Variants in EPHX2 observed in about 807,000 individuals in gnomAD.
EPHX2 encodes the protein bifunctional epoxide hydrolase 2.
EPHX2 carries 74 observed loss-of-function variants against 78.7 expected under a neutral mutation model. The ratio of observed to expected loss-of-function variants is 0.94; its 90% confidence interval spans 0.78 to 1.14. The LOEUF is 1.14. EPHX2 is among the 50% of genes most tolerant of loss of function. The pLI is 0.00. For missense variants in EPHX2, 715 were observed against 702.5 expected (o/e 1.02, Z -0.20); for synonymous variants, 251 against 255.2 (o/e 0.98, Z 0.16).
rs188877534 is a variant in EPHX2, at chr8:27,492,814, G to A, written c.101+1505G>A. The A allele has an allele frequency of 1.5e-3, 225 of 153,576 alleles. 2 individuals carry two copies. Among genetic ancestry groups the A allele is most frequent in the South Asian group, 0.013 (64 of 4,986 alleles). 9.5% of individuals were successfully genotyped at this position (153,576 alleles called of 1,614,324 possible). On this transcript the variant is annotated intron_variant, in intron 1 of 18. Transcript: ENST00000521400. The stretch of plus-strand genomic sequence containing the variant: ...GATTGGTGCATTTTACAATTCTCTT[G>A]TAAGACAGGAAAGTTCCCCAAGTCC...
At chr8:27,525,957 C>T (rs1239047734) in intron 12 of EPHX2, among the ~76,000 whole-genome samples, 1 of 152,202 alleles carries the variant, frequency 6.6e-6, no homozygotes, top group Admixed American at 6.5e-5. Flanking sequence ...GCATCCCTGC[C>T]ACTGTTAACT....
intron 1 of EPHX2, among the ~76,000 whole-genome samples, chr8:27,494,283 C>T (rs146561474): frequency 1.4e-3 from 212 of 152,230 alleles, no homozygotes; most frequent in African/African-American, 4.8e-3. Flanking sequence ...AGATGGTATT[C>T]GGTATTCGTG....
Position 27,500,996 on chromosome 8 carries a change from A to G in EPHX2, c.172A>G (p.Ile58Val), listed in dbSNP as rs1813746944. The change falls in exon 2 of 19, where the codon ATC becomes GTC. Residue 58 changes from isoleucine to valine, a missense_variant. Physicochemically the swap from Ile to Val is conservative, Grantham distance 29 (BLOSUM62 3). Coordinates refer to ENST00000521400, the MANE Select transcript of EPHX2 (RefSeq NM_001979.6). ...CACTACCCGGCTTATGAAAGGAGAG[A>G]TCACACTTTCCCAGGTGAGGGGACA... ...GATTRLMKGE[I>V]TLSQWIPLME... is the part of the protein sequence containing the mutation. 7.4e-6 allele frequency: 12 copies of G among 1,613,110 alleles called. No individual in the cohort carries two copies. The East Asian group carries it at 2.7e-4, about 36-fold the overall frequency.
chr8:27,501,017 G>A lies in EPHX2; in HGVS notation c.186+7G>A. 3 of 1,609,924 alleles carry A rather than the reference G, an allele frequency of 1.9e-6. No homozygotes were observed. The highest frequency in any genetic ancestry group is 4.5e-5 in the East Asian group (2 of 44,822). Reference sequence around the variant, plus strand: ...AGAGATCACACTTTCCCAGGTGAGGGGACATCACCACACAGAGCCCTTTGG... The same window carrying A: ...AGAGATCACACTTTCCCAGGTGAGGAGACATCACCACACAGAGCCCTTTGG... On this transcript the variant is annotated splice_region_variant and intron_variant, in intron 2 of 18. Transcript: ENST00000521400.
At position 27,503,705 on chromosome 8, in the gene EPHX2, T is replaced by C; in HGVS notation, c.288T>C (p.Ile96=). 6.2e-7 allele frequency: 1 copy of C among 1,613,826 alleles called. No homozygotes were observed. Among genetic ancestry groups the C allele is most frequent in the South Asian group, 1.1e-5 (1 of 91,068 alleles). ...FSIKEIFDKA[I]SARKINRPML... Reference sequence around the variant, plus strand: ...TAAAAGAAATCTTTGACAAGGCGATTTCAGCCAGAAAGATCAACCGCCCCA... The same window carrying C: ...TAAAAGAAATCTTTGACAAGGCGATCTCAGCCAGAAAGATCAACCGCCCCA... The change falls in exon 3 of 19, where the codon ATT becomes ATC. Residue 96 remains isoleucine, a synonymous_variant. Transcript: ENST00000521400.
chr8:27,493,896 A>C (rs548278419), intron 1 of EPHX2, among the ~76,000 whole-genome samples: 2 of 152,098 alleles, frequency 1.3e-5, no homozygotes, highest in African/African-American at 4.8e-5. Flanking sequence ...CCTGTGCTCT[A>C]TTTTCCCATT....
At chr8:27,501,324 TTTCTTCTTCTTCTTC>T (rs796293855) in intron 2 of EPHX2, among the ~76,000 whole-genome samples, 1,606 of 102,998 alleles carry the variant, frequency 0.016, 44 homozygotes, top group East Asian at 0.053. Context: ...TGCTATATAT[TTTCTTCTTCTTCTTC>T]TTCTTCTTCT....
At chr8:27,536,054 CTG>C (rs1255474036) in intron 12 of EPHX2, among the ~76,000 whole-genome samples, 8 of 152,148 alleles carry the variant, frequency 5.3e-5, no homozygotes, top group Admixed American at 5.2e-4. Context: ...AGCCAGAGAA[CTG>C]TGTGTCGACT....
Position 27,506,730 on chromosome 8 carries a change from G to A in EPHX2, c.538-142G>A, listed in dbSNP as rs533443967. The A allele has an allele frequency of 2.7e-5, 33 of 1,206,556 alleles. No homozygotes were observed. The African/African-American group carries it at 4.5e-4, about 17-fold the overall frequency. The allele number at this position is 1,206,556 out of a possible 1,614,324, so 74.7% of individuals were successfully genotyped here. A position where few individuals can be genotyped will look rare whatever the true frequency, so the allele number is the denominator to read the frequency against. On this transcript the variant is annotated intron_variant, in intron 4 of 18. Coordinates refer to ENST00000521400, the MANE Select transcript of EPHX2 (RefSeq NM_001979.6). ...TATGTGCCTTTGTTTTCATGCGTAT[G>A]TTGTGTAATTAAATGCTTTCCATTT...
chr8:27,511,998 G>A (rs1814268972), intron 6 of EPHX2, 88 bp downstream of exon 6: 1 of 1,310,192 alleles, frequency 7.6e-7, no homozygotes, highest in Non-Finnish European at 1.1e-6. Flanking sequence ...AGGCTGAGCT[G>A]TGAGGATCAC....
intron 1 of EPHX2, among the ~76,000 whole-genome samples, chr8:27,498,273 A>G (rs1003316269): frequency 6.6e-6 from 1 of 152,096 alleles, no homozygotes; most frequent in Non-Finnish European, 1.5e-5. Flanking sequence ...GGTCCCTTGG[A>G]GATTTCTTTG....
chr8:27,545,827 A>G (rs1168462921), downstream of EPHX2, among the ~76,000 whole-genome samples: 1 of 152,108 alleles, frequency 6.6e-6, no homozygotes, highest in Non-Finnish European at 1.5e-5. Flanking sequence ...GAGCCTGAGT[A>G]TCTGTGTATA....
chr8:27,527,557 C>T (rs902049938), intron 12 of EPHX2, among the ~76,000 whole-genome samples: 2 of 152,196 alleles, frequency 1.3e-5, no homozygotes, highest in East Asian at 3.9e-4. Context: ...ATCTCCCCTC[C>T]TCCCAGCCCT....
In EPHX2 at chr8:27,523,340, T is replaced by C. The variant is rs532912588; in HGVS notation, c.1058+832T>C. ...TCCCCACCATTTCATTCATAATCATTCTTAGACCAGCATTTCATGGCTTGA... is the reference window on the plus strand; with the variant it reads ...TCCCCACCATTTCATTCATAATCATCCTTAGACCAGCATTTCATGGCTTGA... On this transcript the variant is annotated intron_variant, in intron 11 of 18. Transcript: ENST00000521400. Among the ~76,000 whole-genome samples the C allele has an allele frequency of 6.6e-5, 10 of 152,306 alleles. No individual in the cohort carries two copies. In the East Asian group the frequency reaches 1.5e-3, roughly 23 times the overall value.
chr8:27,498,418 T>C (rs768074276), intron 1 of EPHX2, among the ~76,000 whole-genome samples: 1 of 152,180 alleles, frequency 6.6e-6, no homozygotes, highest in Non-Finnish European at 1.5e-5. Flanking sequence ...AAGTTGCTTT[T>C]TTTTTTAATG....
At chr8:27,496,849 T>G (rs144529284) in intron 1 of EPHX2, among the ~76,000 whole-genome samples, 74 of 152,302 alleles carry the variant, frequency 4.9e-4, no homozygotes, top group African/African-American at 1.6e-3. Context: ...TCAGGGTTGA[T>G]TCCCTCCTCA....
chr8:27,503,690 C>A lies in EPHX2; in HGVS notation c.273C>A (p.Ile91=). The A allele has an allele frequency of 6.2e-7, 1 of 1,614,006 alleles. No homozygotes were observed. The highest frequency in any genetic ancestry group is 8.5e-7 in the Non-Finnish European group (1 of 1,179,998). ...CCAAGAATTTCTCCATAAAAGAAAT[C>A]TTTGACAAGGCGATTTCAGCCAGAA... is the stretch of plus-strand genomic sequence containing the variant. ...CLPKNFSIKE[I]FDKAISARKI... is the part of the protein sequence containing the mutation. The change falls in exon 3 of 19, where the codon ATC becomes ATA. Residue 91 remains isoleucine, a synonymous_variant. Transcript: ENST00000521400.
chr8:27,541,539 G>C lies in EPHX2; in HGVS notation c.1446G>C (p.Arg482=), dbSNP rs1008693613. 9.9e-6 allele frequency: 16 copies of C among 1,613,952 alleles called. No homozygotes were observed. The highest frequency in any genetic ancestry group is 1.4e-5 in the Non-Finnish European group (16 of 1,179,888). Residue 482 remains arginine, a synonymous_variant, in exon 16 of 19, where the codon CGG becomes CGC. Coordinates refer to ENST00000521400, the MANE Select transcript of EPHX2 (RefSeq NM_001979.6). ...AGTGGGCTTGCAAAAGCTTGGGACGGAAGGTGAGTGCCAGGTTCAGTGTAG... is the reference window on the plus strand; with the variant it reads ...AGTGGGCTTGCAAAAGCTTGGGACGCAAGGTGAGTGCCAGGTTCAGTGTAG... The part of the protein sequence containing the change: ...NWKWACKSLG[R]KILIPALMVT...
chr8:27,505,894 G>A (rs1813988087), intron 4 of EPHX2, among the ~76,000 whole-genome samples: 1 of 152,148 alleles, frequency 6.6e-6, no homozygotes, highest in African/African-American at 2.4e-5. Context: ...TAGAATTCTA[G>A]ACTTCCCTTG....
Sources: allele counts gnomAD v4.1 joint callset (sites outside exome capture counted in the v4.1 genomes callset), GRCh38; gene constraint gnomAD v4.1.1; transcripts MANE v1.5; gene names NCBI Gene and HGNC (gene_info 2026-07-23, HGNC 2026-07-21).